Variants in FOXP2 observed in about 807,000 individuals in gnomAD.
FOXP2 encodes the protein forkhead box P2.
Under a neutral mutation model 115.8 loss-of-function variants are expected in FOXP2, and 12 were observed. The ratio of observed to expected loss-of-function variants is 0.10; its 90% CI spans 0.07 to 0.17. The LOEUF (loss-of-function observed/expected upper bound fraction) is 0.17. FOXP2 is among the 10% of genes least tolerant of loss of function. The probability of loss-of-function intolerance (pLI) is 1.00; values close to 1 mark genes in which losing one functional copy is unlikely to be tolerated. For missense variants in FOXP2, 629 were observed against 843.5 expected (o/e 0.75, Z 3.15); for synonymous variants, 328 against 297.7 (o/e 1.10, Z -1.05).
Position 114,691,218 on chromosome 7 carries a change from A to T in FOXP2, c.*1292A>T, listed in dbSNP as rs1445808863. ...TACATGTTGTTAGAAGATGTCTTGT[A>T]TGGTCTTAATCTTTGTTGTGTACTA... On this transcript the variant is annotated 3_prime_UTR_variant, in exon 17 of 17. Transcript: ENST00000350908. 1 of 453,920 alleles carries T rather than the reference A, an allele frequency of 2.2e-6. No homozygotes were observed. Among genetic ancestry groups the T allele is most frequent in the Non-Finnish European group, 4.4e-6 (1 of 226,764 alleles). 28.1% of individuals were successfully genotyped at this position (453,920 alleles called of 1,614,324 possible).
At chr7:114,276,908 C>T (rs576918340) in intron 1 of FOXP2, among the ~76,000 whole-genome samples, 3 of 152,214 alleles carry the variant, frequency 2.0e-5, no homozygotes, top group South Asian at 4.2e-4. Flanking sequence ...CACTGTATCT[C>T]GACATCTCAA....
chr7:114,197,341 G>C (rs539905640), intron 1 of FOXP2, among the ~76,000 whole-genome samples: 1 of 152,342 alleles, frequency 6.6e-6, no homozygotes, highest in Non-Finnish European at 1.5e-5. Context: ...TCTACGGGCT[G>C]GAAGGCTAAG....
Position 114,580,054 on chromosome 7 carries a change from T to A in FOXP2, c.258+45348T>A, listed in dbSNP as rs77429231. Among the ~76,000 whole-genome samples the A allele has an allele frequency of 2.3e-4, 35 of 152,336 alleles. No homozygotes were observed. In the East Asian group the frequency reaches 6.2e-3, roughly 27 times the overall value. Reference sequence around the variant, plus strand: ...TATAGGCTAATGCCAGAATTTGAAGTTTTAAGTGCCTTTTTAAAAGGACCT... The same window carrying A: ...TATAGGCTAATGCCAGAATTTGAAGATTTAAGTGCCTTTTTAAAAGGACCT... On this transcript the variant is annotated intron_variant, in intron 3 of 16. Coordinates refer to ENST00000350908, the MANE Select transcript of FOXP2 (RefSeq NM_014491.4).
At chr7:114,172,011 G>A (rs1793156069) in intron 1 of FOXP2, among the ~76,000 whole-genome samples, 1 of 152,176 alleles carries the variant, frequency 6.6e-6, no homozygotes, top group Admixed American at 6.5e-5. Flanking sequence ...CTGAAGATGT[G>A]ATGGAATTGC....
At chr7:114,542,529 A>G (rs1442502084) in intron 3 of FOXP2, among the ~76,000 whole-genome samples, 3 of 152,210 alleles carry the variant, frequency 2.0e-5, no homozygotes. Context: ...CTGTTATGAC[A>G]TTTATAGTGG....
Position 114,693,052 on chromosome 7 carries a change from T to C in FOXP2, c.*3126T>C, listed in dbSNP as rs1426373011. 1 of 453,822 alleles carries C rather than the reference T, an allele frequency of 2.2e-6. No individual in the cohort carries two copies. The highest frequency in any genetic ancestry group is 4.4e-6 in the Non-Finnish European group (1 of 226,662). The allele number at this position is 453,822 out of a possible 1,614,324, so 28.1% of individuals were successfully genotyped here. On this transcript the variant is annotated 3_prime_UTR_variant, in exon 17 of 17. Coordinates refer to ENST00000350908, the MANE Select transcript of FOXP2 (RefSeq NM_014491.4). ...GGGAGTTATCAGATTTTATTTTACA[T>C]AGTTTTAGTCTACAAAGACACAATT...
chr7:114,205,779 A>T (rs1173938567), intron 1 of FOXP2, among the ~76,000 whole-genome samples: 1 of 152,156 alleles, frequency 6.6e-6, no homozygotes, highest in Non-Finnish European at 1.5e-5. Flanking sequence ...GTTCTCCCTT[A>T]TTCATGCAAG....
At chr7:114,550,320 G>T (rs1320189020) in intron 3 of FOXP2, among the ~76,000 whole-genome samples, 2 of 151,964 alleles carry the variant, frequency 1.3e-5, no homozygotes, top group African/African-American at 2.4e-5. Flanking sequence ...GTTTCACCGT[G>T]TTAGCCAGGA....
intron 2 of FOXP2, among the ~76,000 whole-genome samples, chr7:114,390,221 A>G (rs574500699): frequency 1.3e-5 from 2 of 152,100 alleles, no homozygotes; most frequent in Non-Finnish European, 2.9e-5. Context: ...GAAGTGAATA[A>G]TGAGTCATTA....
intron 2 of FOXP2, among the ~76,000 whole-genome samples, chr7:114,321,391 G>T (rs1797419395): frequency 6.6e-6 from 1 of 151,860 alleles, no homozygotes; most frequent in Non-Finnish European, 1.5e-5. Flanking sequence ...GTAGAGACGG[G>T]GTTTCACTGT....
chr7:114,099,312 AC>A (rs1273241360), intron 1 of FOXP2, among the ~76,000 whole-genome samples: 1 of 152,190 alleles, frequency 6.6e-6, no homozygotes. Context: ...GCAAATCAGA[AC>A]CACTGTGAGG....
At chr7:114,606,826 T>A (rs965561003) in intron 3 of FOXP2, among the ~76,000 whole-genome samples, 3 of 152,206 alleles carry the variant, frequency 2.0e-5, no homozygotes, top group Non-Finnish European at 4.4e-5. Context: ...AATATGTGAG[T>A]GCTTACAAAG....
At chr7:114,563,404 C>T (rs891860724) in intron 3 of FOXP2, among the ~76,000 whole-genome samples, 1 of 152,200 alleles carries the variant, frequency 6.6e-6, no homozygotes, top group Non-Finnish European at 1.5e-5. Flanking sequence ...CTCCTGCCTA[C>T]AACTTTTTTT....
intron 2 of FOXP2, among the ~76,000 whole-genome samples, chr7:114,515,835 A>C (rs1798313657): frequency 6.6e-6 from 1 of 152,202 alleles, no homozygotes; most frequent in Admixed American, 6.6e-5. Flanking sequence ...TAAAATACCG[A>C]GGAATCCAAC....
chr7:114,570,147 T>C (rs1380275733), intron 3 of FOXP2, among the ~76,000 whole-genome samples: 2 of 151,896 alleles, frequency 1.3e-5, no homozygotes, highest in Admixed American at 1.3e-4. Flanking sequence ...ACTTTGCTTT[T>C]ACAGATAAAA....
At chr7:114,314,451 A>T (rs969509656) in intron 2 of FOXP2, among the ~76,000 whole-genome samples, 1 of 152,064 alleles carries the variant, frequency 6.6e-6, no homozygotes, top group Non-Finnish European at 1.5e-5. Flanking sequence ...TGGATCATAG[A>T]CCTACAGTGC....
chr7:114,402,281 C>G (rs1792904872), intron 2 of FOXP2, among the ~76,000 whole-genome samples: 1 of 151,918 alleles, frequency 6.6e-6, no homozygotes, highest in Non-Finnish European at 1.5e-5. Flanking sequence ...ACATGTATTC[C>G]AATGACCATA....
intron 2 of FOXP2, among the ~76,000 whole-genome samples, chr7:114,434,732 G>A (rs1034811171): frequency 1.3e-5 from 2 of 151,882 alleles, no homozygotes; most frequent in Non-Finnish European, 2.9e-5. Context: ...TATTCAACTG[G>A]TACTGTCAAA....
intron 1 of FOXP2, among the ~76,000 whole-genome samples, chr7:114,257,644 A>G (rs575909077): frequency 6.6e-6 from 1 of 151,912 alleles, no homozygotes; most frequent in South Asian, 2.1e-4. Flanking sequence ...TAGTAGAGAC[A>G]GGGTTTCACT....
Sources: gnomAD v4.1 joint callset for allele counts (sites outside exome capture counted in the v4.1 genomes callset) on GRCh38, gnomAD v4.1.1 for gene constraint, MANE v1.5 for transcripts, NCBI Gene and HGNC (gene_info 2026-07-23, HGNC 2026-07-21) for gene names.